SNX6: variants seen among roughly 807,000 people sequenced by gnomAD.
The protein encoded by SNX6 is sorting nexin 6.
In SNX6, 34 loss-of-function variants were observed where a neutral mutation model predicts 63.0. The observed-to-expected ratio is 0.54, with a 90% CI of 0.41 to 0.72. The LOEUF (loss-of-function observed/expected upper bound fraction) is 0.72. Among genes scored for constraint, SNX6 ranks in the 30% least tolerant of loss-of-function variants. The probability of loss-of-function intolerance (pLI) is 0.00; values close to 1 mark genes in which losing one functional copy is unlikely to be tolerated. For synonymous variants in SNX6, 170 were observed against 164.2 expected (o/e 1.04, Z -0.27); for missense variants, 398 against 471.4 (o/e 0.84, Z 1.44).
intron 6 of SNX6, among the ~76,000 whole-genome samples, chr14:34,600,695 T>C (rs1882776772): frequency 6.6e-6 from 1 of 152,126 alleles, no homozygotes. Context: ...GTATCAGTCA[T>C]TCAGTAAAAA....
chr14:34,573,166 T>C (rs915897256), intron 11 of SNX6, among the ~76,000 whole-genome samples: 6 of 152,058 alleles, frequency 3.9e-5, no homozygotes, highest in South Asian at 2.1e-4. Context: ...TTTGTAGACA[T>C]AGAATGTCAT....
chr14:34,579,181 T>C (rs1311715255), intron 10 of SNX6, among the ~76,000 whole-genome samples: 1 of 152,020 alleles, frequency 6.6e-6, no homozygotes, highest in Non-Finnish European at 1.5e-5. Flanking sequence ...TAGTTATATA[T>C]ACCCAACAGA....
chr14:34,602,753 G>A lies in SNX6; in HGVS notation c.516+595C>T, dbSNP rs532535444. Among the ~76,000 whole-genome samples the A allele has an allele frequency of 2.4e-3, 367 of 152,144 alleles. 2 individuals carry two copies. The highest frequency in any genetic ancestry group is 4.4e-3 in the Non-Finnish European group (300 of 67,990). ...GCACTTTGGGAGGCTGAGGTGGGTG[G>A]ATCACGAGGTCAGGAGATCGAGACC... On this transcript the variant is annotated intron_variant, in intron 6 of 13. Transcript: ENST00000362031.
chr14:34,601,276 A>AATG (rs1457335476), intron 6 of SNX6, among the ~76,000 whole-genome samples: 1 of 148,328 alleles, frequency 6.7e-6, no homozygotes, highest in Non-Finnish European at 1.5e-5. Flanking sequence ...CCCAGGCTGG[A>AATG]ATGCAGTGGC....
At chr14:34,564,454 C>A (rs921573942) in intron 13 of SNX6, among the ~76,000 whole-genome samples, 1 of 152,144 alleles carries the variant, frequency 6.6e-6, no homozygotes, top group Admixed American at 6.6e-5. Flanking sequence ...GCAGAATCAC[C>A]TCTGGTTGAG....
chr14:34,603,578 A>C (rs1882907158), intron 5 of SNX6, 107 bp from the exon 6 acceptor site: 2 of 868,050 alleles, frequency 2.3e-6, no homozygotes, highest in Non-Finnish European at 3.3e-6. Context: ...AATGCAAATC[A>C]GAGATACAAA....
intron 5 of SNX6, chr14:34,604,075 C>G: frequency 9.7e-7 from 1 of 1,033,254 alleles, no homozygotes; most frequent in Non-Finnish European, 1.2e-6. Flanking sequence ...AAAAAACATT[C>G]AAGGAAAAGG....
In SNX6 at chr14:34,564,120, C is replaced by T. The variant is rs988526356; in HGVS notation, c.1168-945G>A. ...TTGGCTCAGTGCAACCTCTGCCTCC[C>T]GGGTTCAAGCGATCCTTCTGGCTCA... is the stretch of plus-strand genomic sequence containing the variant. On this transcript the variant is annotated intron_variant, in intron 13 of 13. Coordinates refer to ENST00000362031, the MANE Select transcript of SNX6 (RefSeq NM_152233.4). Among the ~76,000 whole-genome samples the T allele has an allele frequency of 2.6e-5, 4 of 152,014 alleles. No individual in the cohort carries two copies. The South Asian group carries it at 8.3e-4, about 32-fold the overall frequency.
intron 9 of SNX6, among the ~76,000 whole-genome samples, chr14:34,583,035 G>C (rs1030102238): frequency 6.6e-6 from 1 of 150,916 alleles, no homozygotes; most frequent in South Asian, 2.2e-4. Context: ...GGCTGGGTGC[G>C]GTGGCTCATG....
chr14:34,593,574 CTTTT>C (rs397852358), intron 7 of SNX6, among the ~76,000 whole-genome samples: 5 of 131,666 alleles, frequency 3.8e-5, no homozygotes, highest in Admixed American at 7.8e-5. Flanking sequence ...AATTTCTTTT[CTTTT>C]TTTTTTTTTT....
At chr14:34,612,865 T>C (rs1883283658) in intron 2 of SNX6, among the ~76,000 whole-genome samples, 1 of 151,424 alleles carries the variant, frequency 6.6e-6, no homozygotes, top group South Asian at 2.1e-4. Flanking sequence ...GCCTGACCAA[T>C]GTGGAGAAGC....
At chr14:34,578,342 G>C (rs1441812868) in intron 10 of SNX6, among the ~76,000 whole-genome samples, 1 of 151,988 alleles carries the variant, frequency 6.6e-6, no homozygotes, top group African/African-American at 2.4e-5. Flanking sequence ...AAAAATTAAA[G>C]TAAGGCTGGC....
chr14:34,562,928 G>A lies in SNX6; in HGVS notation c.*194C>T. ...GGACCACTGTCATGGGGAACACAGT[G>A]CGGCATCACGGCACACAGACTGGCA... On this transcript the variant is annotated 3_prime_UTR_variant, in exon 14 of 14. Coordinates refer to ENST00000362031, the MANE Select transcript of SNX6 (RefSeq NM_152233.4). The A allele has an allele frequency of 1.6e-6, 1 of 611,308 alleles. No homozygotes were observed. Among genetic ancestry groups the A allele is most frequent in the Non-Finnish European group, 2.9e-6 (1 of 339,826 alleles). 37.9% of individuals were successfully genotyped at this position (611,308 alleles called of 1,614,324 possible).
intron 2 of SNX6, chr14:34,629,350 G>A (rs1883948168): frequency 5.5e-6 from 2 of 364,738 alleles, no homozygotes; most frequent in Non-Finnish European, 1.1e-5. Context: ...ATTAGAAAAA[G>A]TAAAGATACC....
chr14:34,563,224 A>AGTAGGAGTCTTCT, intron 13 of SNX6, 49 bp from the exon 14 acceptor site: 1 of 1,520,230 alleles, frequency 6.6e-7, no homozygotes, highest in Non-Finnish European at 9.1e-7. Context: ...CAAACAATTC[A>AGTAGGAGTCTTCT]GAAGACTCCT....
chr14:34,607,409 C>G (rs528626168), intron 4 of SNX6, among the ~76,000 whole-genome samples: 1 of 151,924 alleles, frequency 6.6e-6, no homozygotes, highest in African/African-American at 2.4e-5. Context: ...GAGTTCGAGA[C>G]CAGCCTGGCC....
intron 2 of SNX6, 41 bp from the exon 3 acceptor site, chr14:34,609,783 T>C: frequency 7.5e-7 from 1 of 1,340,964 alleles, no homozygotes; most frequent in Non-Finnish European, 1.1e-6. Context: ...AATCATGTTT[T>C]ATATAATTTC....
chr14:34,599,333 C>T (rs770902325), intron 6 of SNX6, among the ~76,000 whole-genome samples: 6 of 152,234 alleles, frequency 3.9e-5, no homozygotes, highest in Non-Finnish European at 7.4e-5. Flanking sequence ...GGGCTGGGCA[C>T]GGTGGCTCAC....
intron 2 of SNX6, among the ~76,000 whole-genome samples, chr14:34,625,725 C>T (rs996525515): frequency 8.6e-5 from 13 of 151,698 alleles, no homozygotes; most frequent in African/African-American, 3.2e-4. Context: ...AGAGCGAGAC[C>T]CTGTCTCAAA....
Sources: allele counts gnomAD v4.1 joint callset (sites outside exome capture counted in the v4.1 genomes callset), GRCh38; gene constraint gnomAD v4.1.1; transcripts MANE v1.5; gene names NCBI Gene and HGNC (gene_info 2026-07-23, HGNC 2026-07-21).